Variants in FSTL5 observed in about 807,000 individuals in gnomAD.
The protein encoded by FSTL5 is follistatin-related protein 5.
A neutral mutation model predicts 89.1 loss-of-function variants in FSTL5; 62 were observed. That is an observed-to-expected ratio of 0.70 (90% confidence interval 0.57 to 0.86). The LOEUF is 0.86. Among genes scored for constraint, FSTL5 ranks in the 40% least tolerant of loss-of-function variants. The pLI is 0.00. For synonymous variants in FSTL5, 383 were observed against 346.2 expected (o/e 1.11, Z -1.18); for missense variants, 1,057 against 1,001.6 (o/e 1.06, Z -0.75).
chr4:161,561,925 G>T (rs992622616), intron 8 of FSTL5, among the ~76,000 whole-genome samples: 1 of 151,988 alleles, frequency 6.6e-6, no homozygotes, highest in Admixed American at 6.6e-5. Context: ...ACGTGTTGTA[G>T]GTGTGGAACA....
intron 3 of FSTL5, among the ~76,000 whole-genome samples, chr4:161,938,318 C>T (rs1344807248): frequency 6.6e-6 from 1 of 151,938 alleles, no homozygotes; most frequent in African/African-American, 2.4e-5. Context: ...TAAGTAAATG[C>T]TTCATACACT....
At chr4:161,459,379 C>T (rs1490739485) in intron 13 of FSTL5, 60 bp from the exon 14 acceptor site, 3 of 1,007,316 alleles carry the variant, frequency 3.0e-6, no homozygotes, top group Middle Eastern at 2.2e-4. Flanking sequence ...TAAAGCTAGG[C>T]CAGAAATTAT....
intron 4 of FSTL5, among the ~76,000 whole-genome samples, chr4:161,812,517 A>ACAC (rs111603297): frequency 8.6e-5 from 13 of 151,332 alleles, no homozygotes; most frequent in African/African-American, 2.2e-4. Flanking sequence ...AGTTAAGAAA[A>ACAC]ACACACACAC....
chr4:161,972,133 C>G (rs1318738212), intron 3 of FSTL5, among the ~76,000 whole-genome samples: 1 of 152,082 alleles, frequency 6.6e-6, no homozygotes, highest in Non-Finnish European at 1.5e-5. Flanking sequence ...GCTCTTGTCT[C>G]CCAGGCTGGA....
At chr4:161,882,132 A>G (rs888992109) in intron 4 of FSTL5, among the ~76,000 whole-genome samples, 4 of 152,118 alleles carry the variant, frequency 2.6e-5, no homozygotes, top group Admixed American at 2.6e-4. Flanking sequence ...ATAATACTCA[A>G]TCTAATATAT....
At chr4:161,516,568 TAA>T (rs1730840296) in intron 10 of FSTL5, among the ~76,000 whole-genome samples, 1 of 6,760 alleles carries the variant, frequency 1.5e-4, no homozygotes, top group Non-Finnish European at 4.5e-4. Context: ...TTTCATATAG[TAA>T]ATTATATATT....
intron 4 of FSTL5, among the ~76,000 whole-genome samples, chr4:161,871,917 A>T (rs1414004030): frequency 6.6e-6 from 1 of 152,166 alleles, no homozygotes; most frequent in Non-Finnish European, 1.5e-5. Context: ...AAGCACAGAA[A>T]CACATCTGAC....
intron 4 of FSTL5, among the ~76,000 whole-genome samples, chr4:161,793,954 T>A (rs948827273): frequency 1.6e-4 from 25 of 152,150 alleles, no homozygotes; most frequent in African/African-American, 5.8e-4. Context: ...TTACATTACT[T>A]GGTATATATA....
rs146053490 is a variant in FSTL5, at chr4:161,719,758, T to C, written c.727+39653A>G. Among the ~76,000 whole-genome samples, 87 of 152,316 alleles carry C rather than the reference T, an allele frequency of 5.7e-4. 1 individual carries two copies. The East Asian group carries it at 0.012, about 21-fold the overall frequency. On this transcript the variant is annotated intron_variant, in intron 6 of 15. Coordinates refer to ENST00000306100, the MANE Select transcript of FSTL5 (RefSeq NM_020116.5). ...TCGTTTTCTTAATTTCCCTTTCACA[T>C]AGTTTGTTGTTAGTGTATTGTAATG...
chr4:161,546,640 C>A (rs183938872), intron 8 of FSTL5, among the ~76,000 whole-genome samples: 67 of 151,766 alleles, frequency 4.4e-4, no homozygotes, highest in Non-Finnish European at 8.1e-4. Context: ...TTTCTGGAAA[C>A]GCAAGCATCT....
intron 3 of FSTL5, among the ~76,000 whole-genome samples, chr4:161,976,831 C>G (rs1735664118): frequency 6.6e-6 from 1 of 152,058 alleles, no homozygotes; most frequent in African/African-American, 2.4e-5. Context: ...CCCACAGGAC[C>G]TATGGAAAAG....
intron 3 of FSTL5, among the ~76,000 whole-genome samples, chr4:161,924,811 A>C (rs1439760286): frequency 2.0e-5 from 3 of 151,906 alleles, no homozygotes; most frequent in African/African-American, 7.2e-5. Context: ...TTTTGAAGTT[A>C]GCTGCCTTTA....
chr4:161,694,262 A>G (rs532614541), intron 6 of FSTL5, among the ~76,000 whole-genome samples: 22 of 152,136 alleles, frequency 1.4e-4, no homozygotes, highest in African/African-American at 5.3e-4. Flanking sequence ...CTGCCCCTTT[A>G]TCTTTTCTTC....
At chr4:161,596,305 A>G (rs1260851987) in intron 7 of FSTL5, among the ~76,000 whole-genome samples, 2 of 151,914 alleles carry the variant, frequency 1.3e-5, no homozygotes, top group Non-Finnish European at 2.9e-5. Context: ...TTTATGAATC[A>G]ATTTAAAATT....
At chr4:161,977,627 A>T (rs760584481) in intron 3 of FSTL5, among the ~76,000 whole-genome samples, 15,177 of 90,388 alleles carry the variant, frequency 0.17, 1,129 homozygotes, top group Middle Eastern at 0.33. Flanking sequence ...AAAAAAAAAA[A>T]AAAAAAAAAA....
At chr4:161,733,354 C>T (rs139043077) in intron 6 of FSTL5, among the ~76,000 whole-genome samples, 135 of 152,072 alleles carry the variant, frequency 8.9e-4, no homozygotes, top group Middle Eastern at 3.4e-3. Context: ...TTCTGTGCTC[C>T]TGCAGAACTT....
At chr4:161,677,679 T>A (rs1353996468) in intron 6 of FSTL5, among the ~76,000 whole-genome samples, 4 of 151,918 alleles carry the variant, frequency 2.6e-5, no homozygotes, top group Non-Finnish European at 5.9e-5. Context: ...GACATTACAG[T>A]TTGCACTTTA....
At chr4:161,822,296 G>C (rs1730517636) in intron 4 of FSTL5, among the ~76,000 whole-genome samples, 2 of 152,170 alleles carry the variant, frequency 1.3e-5, no homozygotes, top group South Asian at 4.1e-4. Flanking sequence ...TATTGGGCTT[G>C]TTCCGCCCAC....
intron 15 of FSTL5, chr4:161,386,989 TTTTA>T (rs1356223075): frequency 3.2e-5 from 5 of 154,302 alleles, no homozygotes; most frequent in African/African-American, 4.8e-5. Context: ...TATGCCTGCA[TTTTA>T]TTTGTTATCC....
Sources: gnomAD v4.1 joint callset for allele counts (sites outside exome capture counted in the v4.1 genomes callset) on GRCh38, gnomAD v4.1.1 for gene constraint, MANE v1.5 for transcripts, NCBI Gene and HGNC (gene_info 2026-07-23, HGNC 2026-07-21) for gene names.